The following MAST1 variants were observed in gnomAD, a reference collection of about 807,000 sequenced individuals.
MAST1 encodes microtubule-associated serine/threonine-protein kinase 1.
Under a neutral mutation model 124.6 loss-of-function variants are expected in MAST1, and 40 were observed. The observed-to-expected ratio is 0.32, with a 90% CI of 0.25 to 0.42. MAST1 has a LOEUF of 0.42. Ranked by LOEUF, MAST1 falls within the 10% of genes least tolerant of loss-of-function variation. The pLI is 1.00. For synonymous variants in MAST1, 938 were observed against 939.4 expected, an observed-to-expected ratio of 1.00 and a Z score of 0.03; for missense variants, 1,558 against 2,181.9, an observed-to-expected ratio of 0.71 and a Z score of 5.70.
Position 12,867,696 on chromosome 19 carries a change from G to A in MAST1, c.2319-34G>A, listed in dbSNP as rs751595748. The stretch of plus-strand genomic sequence containing the variant: ...GAGTTTGGGGGCGGGGTCGAAGGGG[G>A]CGTGTCTTCCATAACCACGCCCCCT... On this transcript the variant is annotated intron_variant, in intron 19 of 25. Transcript: ENST00000251472. The A allele has an allele frequency of 7.2e-6, 11 of 1,537,258 alleles. No individual in the cohort carries two copies. In the African/African-American group the frequency reaches 1.1e-4, roughly 15 times the overall value.
intron 7 of MAST1, among the ~76,000 whole-genome samples, chr19:12,849,486 ACT>A (rs992895127): frequency 4.7e-4 from 71 of 151,700 alleles, no homozygotes; most frequent in African/African-American, 1.7e-3. Context: ...ATAAGGTGAA[ACT>A]CTGTCTTTAC....
Position 12,873,479 on chromosome 19 carries a change from G to C in MAST1, c.3419G>C (p.Ser1140Thr), listed in dbSNP as rs760244003. ...CTGCCGGCGCGCTCGCCCACGCACAGCTACCGCTCCACGCCTGACTCCGCC... is the reference window on the plus strand; with the variant it reads ...CTGCCGGCGCGCTCGCCCACGCACACCTACCGCTCCACGCCTGACTCCGCC... ...HGLPARSPTHSYRSTPDSAYL... is the reference protein window; with the variant it reads ...HGLPARSPTHTYRSTPDSAYL... Residue 1140 changes from serine (S) to threonine (T), a missense_variant, in exon 25 of 26, where the codon AGC becomes ACC. Ser to Thr is a moderately conservative substitution (Grantham distance 58). Transcript: ENST00000251472. The C allele has an allele frequency of 4.4e-6, 7 of 1,608,438 alleles. No homozygotes were observed. The highest frequency in any genetic ancestry group is 1.7e-5 in the Admixed American group (1 of 59,954).
chr19:12,847,375 G>T lies in MAST1; in HGVS notation c.413G>T (p.Gly138Val). Residue 138 changes from glycine to valine, a missense_variant, in exon 5 of 26, where the codon GGG becomes GTG. By Grantham distance (109) the Gly-to-Val change is moderately radical (BLOSUM62 -3). Transcript: ENST00000251472. This position sits in a 1 kb window ranked among gnomAD's most constrained non-coding sequence, Gnocchi z 5.5. The stretch of plus-strand genomic sequence containing the variant: ...CTCCACTTCCTCTCCAAACACTTCG[G>T]GAGCACCGAGAGCATCACAGACGAG... Reference protein sequence around the residue: ...DELHFLSKHFGSTESITDEDG... With the variant: ...DELHFLSKHFVSTESITDEDG... 6.2e-7 allele frequency: 1 copy of T among 1,613,710 alleles called. No individual in the cohort carries two copies. Among genetic ancestry groups the T allele is most frequent in the South Asian group, 1.1e-5 (1 of 91,052 alleles).
At chr19:12,846,803 G>A (rs576211151) in intron 4 of MAST1, among the ~76,000 whole-genome samples, 1 of 150,678 alleles carries the variant, frequency 6.6e-6, no homozygotes, top group East Asian at 2.0e-4. Context: ...GCTTGAACGC[G>A]GGAGGCGGAG....
At chr19:12,872,959 G>C (rs997258113) in intron 24 of MAST1, among the ~76,000 whole-genome samples, 3 of 152,152 alleles carry the variant, frequency 2.0e-5, no homozygotes, top group African/African-American at 7.2e-5. Context: ...GCCAGAATTG[G>C]GAGTGGCCTA....
intron 3 of MAST1, among the ~76,000 whole-genome samples, chr19:12,842,864 G>A (rs1343216024): frequency 6.6e-6 from 1 of 152,174 alleles, no homozygotes; most frequent in Non-Finnish European, 1.5e-5. Flanking sequence ...CTATAGGTGA[G>A]TGCATGTCTG....
At position 12,841,374 on chromosome 19, in the gene MAST1, T is replaced by C. The variant is rs1045868314; in HGVS notation, c.248+308T>C. Among the ~76,000 whole-genome samples, 38 of 152,200 alleles carry C rather than the reference T, an allele frequency of 2.5e-4. No homozygotes were observed. The highest frequency in any genetic ancestry group is 9.2e-4 in the African/African-American group (38 of 41,456). ...TTGCTCTCCTGGCCAGGTGTTTCCA[T>C]AGCAACAGGACGGGGCAGCCAAGAT... is the stretch of plus-strand genomic sequence containing the variant. On this transcript the variant is annotated intron_variant, in intron 3 of 25. Transcript: ENST00000251472. The surrounding 1 kb of genome is among the most constrained non-coding windows in gnomAD (Gnocchi z 4.3).
In MAST1 at chr19:12,841,496, C is replaced by G; in HGVS notation, c.248+430C>G. 6.6e-6 allele frequency among the ~76,000 whole-genome samples: 1 copy of G among 152,240 alleles called. No individual in the cohort carries two copies. Among genetic ancestry groups the G allele is most frequent in the East Asian group, 1.9e-4 (1 of 5,200 alleles). ...AGGGCTGTTTCTCAAGGGGAGGAAT[C>G]TCAGGTTTCTTTCCAAGGGTCTCTT... On this transcript the variant is annotated intron_variant, in intron 3 of 25. Coordinates refer to ENST00000251472, the MANE Select transcript of MAST1 (RefSeq NM_014975.3). This position sits in a 1 kb window ranked among gnomAD's most constrained non-coding sequence, Gnocchi z 4.3.
intron 3 of MAST1, among the ~76,000 whole-genome samples, chr19:12,842,941 C>T (rs545201581): frequency 5.3e-4 from 81 of 151,962 alleles, no homozygotes; most frequent in Non-Finnish European, 9.9e-4. Context: ...ATGGGATAGT[C>T]AATACGTGTG....
chr19:12,845,080 T>C (rs1969875950), intron 4 of MAST1, among the ~76,000 whole-genome samples: 1 of 151,868 alleles, frequency 6.6e-6, no homozygotes. Flanking sequence ...AGCGGGTGGA[T>C]CATTTGAGGT....
chr19:12,870,439 C>G (rs11672387), intron 22 of MAST1, among the ~76,000 whole-genome samples: 35,431 of 147,582 alleles, frequency 0.24, 4,785 homozygotes, highest in East Asian at 0.59. Context: ...TGCAGTGAGC[C>G]GACATCGCGC....
At chr19:12,873,173 A>C (rs955706547) in intron 24 of MAST1, 151 bp from the exon 25 acceptor site, 9 of 716,040 alleles carry the variant, frequency 1.3e-5, no homozygotes, top group Middle Eastern at 3.6e-4. Context: ...CACTGAGCTA[A>C]AGGAAGTTCT....
Position 12,874,948 on chromosome 19 carries a change from C to A in MAST1, c.*78C>A. ...ATATAAATAAAGTGCGTCCGTGCTG[C>A]GTGAGTTTTCTGGGGCTCACTCCTC... On this transcript the variant is annotated 3_prime_UTR_variant, in exon 26 of 26. Transcript: ENST00000251472. This position sits in a 1 kb window ranked among gnomAD's most constrained non-coding sequence, Gnocchi z 6.6. 1 of 1,499,434 alleles carries A rather than the reference C, an allele frequency of 6.7e-7. No homozygotes were observed. 92.9% of individuals were successfully genotyped at this position (1,499,434 alleles called of 1,614,324 possible).
At chr19:12,864,999 G>A in intron 13 of MAST1, 47 bp from the exon 14 acceptor site, 1 of 1,613,578 alleles carries the variant, frequency 6.2e-7, no homozygotes, top group Non-Finnish European at 8.5e-7. Context: ...AGGCCAGGAG[G>A]CAGAATGGAC....
intron 24 of MAST1, among the ~76,000 whole-genome samples, chr19:12,872,257 CTGTT>C (rs1047112891): frequency 1.3e-5 from 2 of 151,924 alleles, no homozygotes; most frequent in African/African-American, 2.4e-5. Flanking sequence ...GAAGGGTATT[CTGTT>C]TGTTTGTTTG....
At position 12,874,648 on chromosome 19, in the gene MAST1, G is replaced by C. The variant is rs757696003; in HGVS notation, c.4491G>C (p.Lys1497Asn). ...ERTTLSGPRS[K>N]PASPKLSPEP... is the part of the protein sequence containing the mutation. ...CCACGCTGAGCGGTCCTCGCTCCAA[G>C]CCCGCCTCCCCAAAGCTCTCCCCGG... The change falls in exon 26 of 26, where the codon AAG becomes AAC. Residue 1497 changes from lysine (K) to asparagine (N), a missense_variant. Transcript: ENST00000251472. The surrounding 1 kb of genome is among the most constrained non-coding windows in gnomAD (Gnocchi z 6.6). The C allele has an allele frequency of 6.5e-7, 1 of 1,528,566 alleles. No homozygotes were observed. Among genetic ancestry groups the C allele is most frequent in the East Asian group, 2.3e-5 (1 of 43,720 alleles). The allele number at this position is 1,528,566 out of a possible 1,614,324, so 94.7% of individuals were successfully genotyped here.
chr19:12,874,938 G>T lies in MAST1; in HGVS notation c.*68G>T. On this transcript the variant is annotated 3_prime_UTR_variant, in exon 26 of 26. Coordinates refer to ENST00000251472, the MANE Select transcript of MAST1 (RefSeq NM_014975.3). The surrounding 1 kb of genome is among the most constrained non-coding windows in gnomAD (Gnocchi z 6.6). ...ATATGTACACATATAAATAAAGTGC[G>T]TCCGTGCTGCGTGAGTTTTCTGGGG... 6.6e-7 allele frequency: 1 copy of T among 1,520,908 alleles called. No homozygotes were observed. Among genetic ancestry groups the T allele is most frequent in the East Asian group, 2.4e-5 (1 of 40,998 alleles). 94.2% of individuals were successfully genotyped at this position (1,520,908 alleles called of 1,614,324 possible).
chr19:12,847,379 C>T lies in MAST1; in HGVS notation c.417C>T (p.Ser139=). The T allele has an allele frequency of 6.2e-7, 1 of 1,613,974 alleles. No individual in the cohort carries two copies. The highest frequency in any genetic ancestry group is 1.1e-5 in the South Asian group (1 of 91,078). The change falls in exon 5 of 26, where the codon AGC becomes AGT. Residue 139 remains serine (S), a synonymous_variant. Transcript: ENST00000251472. The surrounding 1 kb of genome is among the most constrained non-coding windows in gnomAD (Gnocchi z 5.5). ...ACTTCCTCTCCAAACACTTCGGGAG[C>T]ACCGAGAGCATCACAGACGAGGATG... The part of the protein sequence containing the change: ...ELHFLSKHFG[S]TESITDEDGG...
Position 12,873,525 on chromosome 19 carries a change from C to T in MAST1, c.3451+14C>T. Reference sequence around the variant, plus strand: ...CCGCCTACCTAGGTATTACCTCCTGCACCTGCGCGGGGACCGAGCAGCGCG... The same window carrying T: ...CCGCCTACCTAGGTATTACCTCCTGTACCTGCGCGGGGACCGAGCAGCGCG... On this transcript the variant is annotated intron_variant, in intron 25 of 25. Coordinates refer to ENST00000251472, the MANE Select transcript of MAST1 (RefSeq NM_014975.3). 6.3e-7 allele frequency: 1 copy of T among 1,596,244 alleles called. No individual in the cohort carries two copies. Among genetic ancestry groups the T allele is most frequent in the Non-Finnish European group, 8.5e-7 (1 of 1,173,862 alleles).
Sources: allele counts gnomAD v4.1 joint callset (sites outside exome capture counted in the v4.1 genomes callset), GRCh38; gene constraint gnomAD v4.1.1; non-coding constraint Gnocchi (gnomAD v3.1); transcripts MANE v1.5; gene names NCBI Gene and HGNC (gene_info 2026-07-23, HGNC 2026-07-21).